Variants in SCAP observed in about 807,000 individuals in gnomAD.
The protein encoded by SCAP is SREBF chaperone.
Under a neutral mutation model 123.6 loss-of-function variants are expected in SCAP, and 65 were observed. The ratio of observed to expected loss-of-function variants is 0.53; its 90% CI spans 0.43 to 0.65. SCAP has a LOEUF of 0.65. Ranked by LOEUF, SCAP falls within the 30% of genes least tolerant of loss-of-function variation. The probability of loss-of-function intolerance (pLI) is 0.00; values close to 1 mark genes in which losing one functional copy is unlikely to be tolerated. For synonymous variants in SCAP, 740 were observed against 726.3 expected (o/e 1.02, Z -0.30); for missense variants, 1,398 against 1,712.5 (o/e 0.82, Z 3.24).
intron 1 of SCAP, among the ~76,000 whole-genome samples, chr3:47,462,823 T>A (rs1221503789): frequency 6.7e-6 from 1 of 149,452 alleles, no homozygotes; most frequent in Admixed American, 6.7e-5. Context: ...GTGAGTGACA[T>A]CATGTCCCTA....
chr3:47,432,389 G>C (rs1706399894), intron 3 of SCAP, among the ~76,000 whole-genome samples: 1 of 151,162 alleles, frequency 6.6e-6, no homozygotes, highest in South Asian at 2.1e-4. Context: ...TGACCACTGG[G>C]GAGCTCTTTC....
At position 47,419,234 on chromosome 3, in the gene SCAP, G is replaced by A; in HGVS notation, c.1940+94C>T. On this transcript the variant is annotated intron_variant, in intron 13 of 22. Transcript: ENST00000265565. This position sits in a 1 kb window ranked among gnomAD's most constrained non-coding sequence, Gnocchi z 5.0. ...ACCTTATGAACTGTTTTAATTATTT[G>A]CATAATTCAAACCTGTGGGCCTCCT... 1 of 1,427,604 alleles carries A rather than the reference G, an allele frequency of 7.0e-7. No homozygotes were observed. The highest frequency in any genetic ancestry group is 9.5e-7 in the Non-Finnish European group (1 of 1,053,248). The allele number at this position is 1,427,604 out of a possible 1,614,324, so 88.4% of individuals were successfully genotyped here.
At chr3:47,441,780 T>C (rs925545813) in intron 2 of SCAP, among the ~76,000 whole-genome samples, 1 of 152,046 alleles carries the variant, frequency 6.6e-6, no homozygotes, top group African/African-American at 2.4e-5. Flanking sequence ...TACCCCTCTT[T>C]GTTAAATGGA....
intron 1 of SCAP, among the ~76,000 whole-genome samples, chr3:47,455,424 G>A (rs558485701): frequency 5.3e-5 from 8 of 151,128 alleles, no homozygotes; most frequent in Admixed American, 1.3e-4. Flanking sequence ...GTGAAACCCC[G>A]TCTCTACTAA....
chr3:47,441,168 G>A (rs1706791447), intron 2 of SCAP, among the ~76,000 whole-genome samples: 2 of 152,088 alleles, frequency 1.3e-5, no homozygotes, highest in Admixed American at 1.3e-4. Context: ...CCAAAGTGCT[G>A]GGATTACAGC....
intron 1 of SCAP, among the ~76,000 whole-genome samples, chr3:47,462,079 A>G (rs1323104596): frequency 6.6e-6 from 1 of 152,184 alleles, no homozygotes; most frequent in Non-Finnish European, 1.5e-5. Context: ...TACTATAATC[A>G]GTGACAAAGT....
At chr3:47,433,482 A>C (rs1253271166) in intron 3 of SCAP, among the ~76,000 whole-genome samples, 1 of 152,230 alleles carries the variant, frequency 6.6e-6, no homozygotes, top group Non-Finnish European at 1.5e-5. Flanking sequence ...TTACGGCCTC[A>C]TCATTAAACA....
In SCAP at chr3:47,420,729, G is replaced by A; in HGVS notation, c.1388C>T (p.Pro463Leu). 6.2e-7 allele frequency: 1 copy of A among 1,610,246 alleles called. No individual in the cohort carries two copies. Among genetic ancestry groups the A allele is most frequent in the East Asian group, 2.2e-5 (1 of 44,880 alleles). Residue 463 changes from proline to leucine, a missense_variant, in exon 12 of 23, where the codon CCC (proline) becomes CTC (leucine). By Grantham distance (98) the Pro-to-Leu change is moderately conservative. Transcript: ENST00000265565. The surrounding 1 kb of genome is among the most constrained non-coding windows in gnomAD (Gnocchi z 5.0). ...NKRLPPEACL[P>L]SAKPVGQPTR... ...TGGCTGTCCCACTGGCTTGGCTGAGGGCAGGCAGGCCTCAGGGGGCAGTCG... is the reference window on the plus strand; with the variant it reads ...TGGCTGTCCCACTGGCTTGGCTGAGAGCAGGCAGGCCTCAGGGGGCAGTCG...
Position 47,443,082 on chromosome 3 carries a change from G to A in SCAP, c.-89C>T. 1 of 1,587,222 alleles carries A rather than the reference G, an allele frequency of 6.3e-7. No individual in the cohort carries two copies. Among genetic ancestry groups the A allele is most frequent in the Non-Finnish European group, 8.6e-7 (1 of 1,166,084 alleles). ...TGACAGCACTGACAAAGAACAACAT[G>A]TGCAGGTACCTGGTAAGAAGGGAGA... On this transcript the variant is annotated 5_prime_UTR_variant, in exon 2 of 23. Transcript: ENST00000265565.
At chr3:47,424,865 G>A (rs1010568260) in intron 8 of SCAP, among the ~76,000 whole-genome samples, 3 of 152,272 alleles carry the variant, frequency 2.0e-5, no homozygotes, top group East Asian at 3.9e-4. Context: ...ACAGGCAGGC[G>A]GGCCTAGCCA....
In SCAP at chr3:47,467,978, T is replaced by A. The variant is rs952381504; in HGVS notation, c.-99+7821A>T. ...AGTGAGAACATGCGGTGTTTGGTTT[T>A]CTGTCCTTGCGATAGTTTGCTCAGA... On this transcript the variant is annotated intron_variant, in intron 1 of 22. Coordinates refer to ENST00000265565, the MANE Select transcript of SCAP (RefSeq NM_012235.4). Among the ~76,000 whole-genome samples, 6 of 152,164 alleles carry A rather than the reference T, an allele frequency of 3.9e-5. No individual in the cohort carries two copies. The East Asian group carries it at 1.2e-3, about 29-fold the overall frequency.
intron 3 of SCAP, among the ~76,000 whole-genome samples, chr3:47,432,634 T>C (rs17079634): frequency 0.016 from 2,483 of 152,258 alleles, 195 homozygotes; most frequent in East Asian, 0.13. Flanking sequence ...TGCAATGTAC[T>C]GTCTACTGCC....
At chr3:47,471,381 T>C (rs1204237463) in intron 1 of SCAP, among the ~76,000 whole-genome samples, 1 of 152,136 alleles carries the variant, frequency 6.6e-6, no homozygotes, top group Non-Finnish European at 1.5e-5. Flanking sequence ...TTAAAAACAA[T>C]CTAGACGATT....
rs1705422804 is a variant in SCAP, at chr3:47,413,817, C to T, written c.*37G>A. On this transcript the variant is annotated 3_prime_UTR_variant, in exon 23 of 23. Coordinates refer to ENST00000265565, the MANE Select transcript of SCAP (RefSeq NM_012235.4). ...GTTCAGTGCATTGGCCCCCACACAG[C>T]ACCCCAGCCTCCTGCCTGGGCAAGG... is the stretch of plus-strand genomic sequence containing the variant. 1.3e-6 allele frequency: 2 copies of T among 1,597,608 alleles called. No individual in the cohort carries two copies. Among genetic ancestry groups the T allele is most frequent in the Non-Finnish European group, 8.5e-7 (1 of 1,170,790 alleles).
chr3:47,465,053 T>C (rs981665748), intron 1 of SCAP, among the ~76,000 whole-genome samples: 4 of 151,958 alleles, frequency 2.6e-5, no homozygotes, highest in African/African-American at 9.7e-5. Context: ...TAGGAATAAA[T>C]TTAAGCAAGG....
intron 2 of SCAP, among the ~76,000 whole-genome samples, chr3:47,440,586 C>G (rs1415290110): frequency 1.3e-5 from 2 of 152,162 alleles, no homozygotes; most frequent in Non-Finnish European, 2.9e-5. Flanking sequence ...TGTGACAGTA[C>G]AAGGCCAGGT....
At chr3:47,418,012 GA>G in intron 16 of SCAP, 121 bp downstream of exon 16, 1 of 613,692 alleles carries the variant, frequency 1.6e-6, no homozygotes, top group Non-Finnish European at 2.9e-6. Flanking sequence ...GGTGGGGGGA[GA>G]GGGGGCCTGG....
chr3:47,468,119 T>C (rs916334224), intron 1 of SCAP, among the ~76,000 whole-genome samples: 4 of 152,172 alleles, frequency 2.6e-5, no homozygotes, highest in East Asian at 1.9e-4. Context: ...CAGTCTATCA[T>C]TGATGGACAT....
At chr3:47,443,232 A>G (rs1292557488) in intron 1 of SCAP, 141 bp from the exon 2 acceptor site, 1 of 277,234 alleles carries the variant, frequency 3.6e-6, no homozygotes, top group Non-Finnish European at 6.4e-6. Flanking sequence ...CAATCCCAAA[A>G]TACACACACA....
Sources: gnomAD v4.1 joint callset for allele counts (sites outside exome capture counted in the v4.1 genomes callset) on GRCh38, gnomAD v4.1.1 for gene constraint, Gnocchi (gnomAD v3.1) non-coding constraint, MANE v1.5 for transcripts, NCBI Gene and HGNC (gene_info 2026-07-23, HGNC 2026-07-21) for gene names.